NRG3: variants seen among roughly 807,000 people sequenced by gnomAD.
The protein encoded by NRG3 is pro-neuregulin-3, membrane-bound isoform.
A neutral mutation model predicts 66.9 loss-of-function variants in NRG3; 31 were observed. That is an observed-to-expected ratio of 0.46 (90% CI 0.35 to 0.63). The LOEUF is 0.63. Among genes scored for constraint, NRG3 ranks in the 20% least tolerant of loss-of-function variants. NRG3 has a pLI of 0.00. For missense variants in NRG3, 910 were observed against 878.9 expected (o/e 1.04, Z -0.45); for synonymous variants, 393 against 359.4 (o/e 1.09, Z -1.06).
chr10:82,158,547 C>T (rs1461540088), intron 1 of NRG3, among the ~76,000 whole-genome samples: 1 of 151,680 alleles, frequency 6.6e-6, no homozygotes, highest in Non-Finnish European at 1.5e-5. Context: ...AGTGTGTCTG[C>T]GCAGGTAAAT....
At chr10:82,779,390 T>C (rs918174860) in intron 3 of NRG3, among the ~76,000 whole-genome samples, 4 of 152,164 alleles carry the variant, frequency 2.6e-5, no homozygotes, top group African/African-American at 9.7e-5. Flanking sequence ...GCAGCCCTTC[T>C]GAGTTTCTGT....
chr10:82,812,848 A>T (rs2061547819), intron 3 of NRG3, among the ~76,000 whole-genome samples: 1 of 152,248 alleles, frequency 6.6e-6, no homozygotes, highest in African/African-American at 2.4e-5. Flanking sequence ...CATAGTACAA[A>T]AAATATGTTT....
chr10:82,126,977 A>C (rs1417700590), intron 1 of NRG3, among the ~76,000 whole-genome samples: 1 of 152,082 alleles, frequency 6.6e-6, no homozygotes, highest in Non-Finnish European at 1.5e-5. Context: ...TAACAGTTTC[A>C]GTGAAATTTG....
chr10:82,511,868 A>G (rs1845203514), intron 2 of NRG3, among the ~76,000 whole-genome samples: 1 of 152,126 alleles, frequency 6.6e-6, no homozygotes, highest in African/African-American at 2.4e-5. Flanking sequence ...GAAAAAAAAA[A>G]AAGATTTCCT....
intron 1 of NRG3, among the ~76,000 whole-genome samples, chr10:82,345,278 A>G (rs964268078): frequency 1.5e-5 from 2 of 132,452 alleles, no homozygotes; most frequent in African/African-American, 3.8e-5. Flanking sequence ...AGCTTTCTAC[A>G]TATGGCTAGC....
At chr10:82,887,765 C>A (rs1842844349) in intron 4 of NRG3, among the ~76,000 whole-genome samples, 1 of 152,168 alleles carries the variant, frequency 6.6e-6, no homozygotes, top group South Asian at 2.1e-4. Context: ...CACCACTTCA[C>A]AAATAAAGAA....
At chr10:82,243,126 A>G (rs928047457) in intron 1 of NRG3, among the ~76,000 whole-genome samples, 13 of 152,320 alleles carry the variant, frequency 8.5e-5, no homozygotes, top group African/African-American at 3.1e-4. Flanking sequence ...CCTTCATACA[A>G]CTTTTACTGC....
intron 1 of NRG3, among the ~76,000 whole-genome samples, chr10:82,201,721 G>A (rs867375247): frequency 1.3e-5 from 2 of 152,080 alleles, no homozygotes; most frequent in African/African-American, 4.8e-5. Flanking sequence ...CCTTTCAAAG[G>A]TAACTATTAA....
At chr10:82,847,950 T>A (rs1209410777) in intron 3 of NRG3, among the ~76,000 whole-genome samples, 3 of 152,208 alleles carry the variant, frequency 2.0e-5, no homozygotes, top group Non-Finnish European at 4.4e-5. Flanking sequence ...AATTAAAATT[T>A]GATTTTATTG....
At position 81,964,779 on chromosome 10, in the gene NRG3, T is replaced by C. The variant is rs117585702; in HGVS notation, c.823+88616T>C. ...TCTTTTCTGAGTTTTGCATATTTGA[T>C]AGGAGAAACAGATATATCCAGTTGT... On this transcript the variant is annotated intron_variant, in intron 1 of 8. Coordinates refer to ENST00000372141, the MANE Select transcript of NRG3 (RefSeq NM_001010848.4). 8.0e-3 allele frequency among the ~76,000 whole-genome samples: 1,216 copies of C among 152,266 alleles called. 6 individuals carry two copies. Among genetic ancestry groups the C allele is most frequent in the Middle Eastern group, 0.02 (6 of 294 alleles).
intron 1 of NRG3, among the ~76,000 whole-genome samples, chr10:82,116,865 C>T (rs1564577892): frequency 6.6e-6 from 1 of 152,122 alleles, no homozygotes; most frequent in African/African-American, 2.4e-5. Context: ...GAGATTTCTT[C>T]GGTACTCTTC....
intron 1 of NRG3, among the ~76,000 whole-genome samples, chr10:82,042,082 G>A (rs2063069017): frequency 6.6e-6 from 1 of 151,958 alleles, no homozygotes; most frequent in South Asian, 2.1e-4. Context: ...GAGATACAGT[G>A]CAATAGAGGA....
At chr10:82,375,532 A>G (rs1389987132) in intron 2 of NRG3, among the ~76,000 whole-genome samples, 1 of 116,790 alleles carries the variant, frequency 8.6e-6, no homozygotes, top group African/African-American at 5.4e-5. Context: ...GTGAGACTCC[A>G]TCTCAAAAAA....
At position 82,398,375 on chromosome 10, in the gene NRG3, A is replaced by G. The variant is rs73310901; in HGVS notation, c.953+39507A>G. 2.0e-3 allele frequency among the ~76,000 whole-genome samples: 298 copies of G among 152,292 alleles called. 2 individuals are homozygous for G. The highest frequency in any genetic ancestry group is 6.9e-3 in the African/African-American group (287 of 41,558). Reference sequence around the variant, plus strand: ...TTTTTCAATACCTTTTGTTAGGTCAATATAGCCTCTCCCAAATTTTAAAAG... The same window carrying G: ...TTTTTCAATACCTTTTGTTAGGTCAGTATAGCCTCTCCCAAATTTTAAAAG... On this transcript the variant is annotated intron_variant, in intron 2 of 8. Transcript: ENST00000372141.
At chr10:82,719,818 C>A (rs2057189019) in intron 2 of NRG3, among the ~76,000 whole-genome samples, 1 of 152,110 alleles carries the variant, frequency 6.6e-6, no homozygotes, top group Non-Finnish European at 1.5e-5. Context: ...ATTAAATTTT[C>A]TCATTTCAGA....
chr10:82,782,052 T>G (rs2060137847), intron 3 of NRG3, among the ~76,000 whole-genome samples: 1 of 152,182 alleles, frequency 6.6e-6, no homozygotes. Flanking sequence ...TTTTCCACCT[T>G]GAAGACTATG....
At chr10:82,814,259 G>A (rs1159148466) in intron 3 of NRG3, among the ~76,000 whole-genome samples, 1 of 152,076 alleles carries the variant, frequency 6.6e-6, no homozygotes, top group Non-Finnish European at 1.5e-5. Context: ...GTTAACTTTG[G>A]CAAACATACC....
intron 4 of NRG3, among the ~76,000 whole-genome samples, chr10:82,914,748 GC>G (rs1178435478): frequency 7.0e-6 from 1 of 143,450 alleles, no homozygotes; most frequent in Non-Finnish European, 1.5e-5. Flanking sequence ...GTGATTTTTA[GC>G]TTTTTTTTTT....
chr10:82,136,400 G>T (rs1336921383), intron 1 of NRG3, among the ~76,000 whole-genome samples: 1 of 152,106 alleles, frequency 6.6e-6, no homozygotes, highest in African/African-American at 2.4e-5. Flanking sequence ...AGCCAGGCGT[G>T]TGTCCTTCTC....
Sources: allele counts gnomAD v4.1 joint callset (sites outside exome capture counted in the v4.1 genomes callset), GRCh38; gene constraint gnomAD v4.1.1; transcripts MANE v1.5; gene names NCBI Gene and HGNC (gene_info 2026-07-23, HGNC 2026-07-21).